SLC4A5: variants seen among roughly 807,000 people sequenced by gnomAD.
SLC4A5 encodes the protein electrogenic sodium bicarbonate cotransporter 4.
Under a neutral mutation model 120.4 loss-of-function variants are expected in SLC4A5, and 96 were observed. That is an observed-to-expected ratio of 0.80 (90% CI 0.68 to 0.94). The LOEUF (loss-of-function observed/expected upper bound fraction) is 0.94. Among genes scored for constraint, SLC4A5 ranks in the 40% least tolerant of loss-of-function variants. The pLI, the probability that SLC4A5 is intolerant of heterozygous loss-of-function variation, is 0.00. For synonymous variants in SLC4A5, 550 were observed against 571.1 expected (o/e 0.96, Z 0.53); for missense variants, 1,259 against 1,459.5 (o/e 0.86, Z 2.24).
At chr2:74,284,162 CTTTTTTTTTTTT>C (rs1182761794) in intron 8 of SLC4A5, among the ~76,000 whole-genome samples, 1 of 81,106 alleles carries the variant, frequency 1.2e-5, no homozygotes, top group Non-Finnish European at 2.0e-5. Context: ...TTCCTTATTT[CTTTTTTTTTTTT>C]TTTTTTTTTT....
intron 2 of SLC4A5, chr2:74,339,704 C>A (rs957657220): frequency 6.6e-6 from 1 of 152,156 alleles, no homozygotes; most frequent in Non-Finnish European, 1.5e-5. Flanking sequence ...GGTATACACC[C>A]AAGAAAACTG....
intron 23 of SLC4A5, among the ~76,000 whole-genome samples, chr2:74,233,072 G>T (rs1433834005): frequency 6.6e-6 from 1 of 152,322 alleles, no homozygotes; most frequent in African/African-American, 2.4e-5. Flanking sequence ...GGCTAAGGAA[G>T]TTCCTCTGCC....
intron 7 of SLC4A5, among the ~76,000 whole-genome samples, chr2:74,294,459 ATTG>A (rs1273574544): frequency 6.6e-6 from 1 of 152,214 alleles, no homozygotes; most frequent in African/African-American, 2.4e-5. Flanking sequence ...TGTTGTCCTT[ATTG>A]TTCTGTTTTG....
chr2:74,239,608 T>A, intron 20 of SLC4A5, 73 bp from the exon 21 acceptor site: 2 of 1,410,230 alleles, frequency 1.4e-6, no homozygotes, highest in Non-Finnish European at 2.0e-6. Context: ...CCCACTGCAG[T>A]CCCCAGGCAG....
chr2:74,257,405 G>A lies in SLC4A5; in HGVS notation c.868-1473C>T, dbSNP rs140671325. Among the ~76,000 whole-genome samples the A allele has an allele frequency of 1.7e-3, 257 of 152,182 alleles. 3 individuals are homozygous for A. The highest frequency in any genetic ancestry group is 5.8e-3 in the African/African-American group (239 of 41,518). ...CATGGTCAGCTGATTACTAAGCAGC[G>A]TTCTTCAGGGTGGAGGGCTGGGTGT... On this transcript the variant is annotated intron_variant, in intron 12 of 30. Coordinates refer to ENST00000394019, the Ensembl canonical transcript of SLC4A5.
At chr2:74,231,239 T>G in exon 25 of SLC4A5, 1 of 1,611,194 alleles carries the variant, frequency 6.2e-7, no homozygotes, top group African/African-American at 1.3e-5. Context: ...ACCTCACCTT[T>G]AGGATGGGAG....
chr2:74,225,056 CA>C (rs747347622), intron 27 of SLC4A5, 61 bp from the exon 28 acceptor site: 1 of 1,517,942 alleles, frequency 6.6e-7, no homozygotes, highest in Non-Finnish European at 9.0e-7. Flanking sequence ...TCTCAATGCC[CA>C]AACTCAGGCA....
chr2:74,295,553 G>C lies in SLC4A5; in HGVS notation c.271+8936C>G, dbSNP rs1375793906. Among the ~76,000 whole-genome samples, 2 of 152,118 alleles carry C rather than the reference G, an allele frequency of 1.3e-5. 1 individual carries two copies. Among genetic ancestry groups the C allele is most frequent in the Non-Finnish European group, 2.9e-5 (2 of 68,024 alleles). ...GGAGGCAGAGGCAAGAGAATTGCTT[G>C]AATCTGGGAGGCAGAGGTTGCAGTG... is the stretch of plus-strand genomic sequence containing the variant. On this transcript the variant is annotated intron_variant, in intron 7 of 30. Coordinates refer to ENST00000394019, the Ensembl canonical transcript of SLC4A5.
intron 5 of SLC4A5, among the ~76,000 whole-genome samples, chr2:74,320,207 T>TA (rs904249636): frequency 5.9e-5 from 9 of 151,562 alleles, no homozygotes; most frequent in African/African-American, 1.9e-4. Context: ...AAAAGAGAGA[T>TA]AAAAAAATAG....
chr2:74,290,800 G>A (rs1672142115), intron 7 of SLC4A5: 6 of 985,580 alleles, frequency 6.1e-6, no homozygotes, highest in Non-Finnish European at 7.2e-6. Flanking sequence ...ACCTGTGAGA[G>A]GACTGGCAAA....
chr2:74,299,737 T>C (rs1044486195), intron 7 of SLC4A5, among the ~76,000 whole-genome samples: 2 of 151,954 alleles, frequency 1.3e-5, no homozygotes, highest in Non-Finnish European at 2.9e-5. Context: ...GGCAAGAAAG[T>C]GGAGAAAAGG....
intron 8 of SLC4A5, among the ~76,000 whole-genome samples, chr2:74,279,651 C>T (rs1671748221): frequency 6.6e-6 from 1 of 152,172 alleles, no homozygotes; most frequent in Admixed American, 6.5e-5. Context: ...CATGATGACC[C>T]CTGGACATCT....
chr2:74,227,978 A>C, intron 25 of SLC4A5, 100 bp from the exon 26 acceptor site: 1 of 814,668 alleles, frequency 1.2e-6, no homozygotes, highest in Non-Finnish European at 1.9e-6. Flanking sequence ...GGCAGCTAGG[A>C]AACTGGATAT....
chr2:74,293,523 G>A (rs1245649322), intron 7 of SLC4A5, among the ~76,000 whole-genome samples: 1 of 152,170 alleles, frequency 6.6e-6, no homozygotes, highest in Non-Finnish European at 1.5e-5. Flanking sequence ...GATGGTTTCT[G>A]GGAGACAGAG....
chr2:74,275,264 G>C lies in SLC4A5; in HGVS notation c.402-10000C>G, dbSNP rs78421767. Among the ~76,000 whole-genome samples the C allele has an allele frequency of 2.2e-3, 333 of 152,310 alleles. 10 individuals are homozygous for C. The East Asian group carries it at 0.058, about 26-fold the overall frequency. ...TCCCAAGCTCATGCATTTGGTGAAGGGTCCATCCTCCTGCACACCATGTCC... is the reference window on the plus strand; with the variant it reads ...TCCCAAGCTCATGCATTTGGTGAAGCGTCCATCCTCCTGCACACCATGTCC... On this transcript the variant is annotated intron_variant, in intron 8 of 30. Transcript: ENST00000394019.
chr2:74,241,069 T>C (rs531286199), intron 20 of SLC4A5, among the ~76,000 whole-genome samples: 1 of 151,898 alleles, frequency 6.6e-6, no homozygotes, highest in African/African-American at 2.4e-5. Flanking sequence ...ATTAGATTCA[T>C]TGAGGAAGAA....
intron 18 of SLC4A5, 105 bp downstream of exon 18, chr2:74,248,248 A>G: frequency 2.8e-6 from 4 of 1,434,964 alleles, no homozygotes; most frequent in Non-Finnish European, 3.8e-6. Flanking sequence ...TGGCTTTGGC[A>G]CCACCGCACC....
chr2:74,238,085 G>T (rs1670326617), intron 21 of SLC4A5, among the ~76,000 whole-genome samples: 1 of 152,250 alleles, frequency 6.6e-6, no homozygotes, highest in South Asian at 2.1e-4. Flanking sequence ...CTGGGTGACA[G>T]AGTGAGACTC....
At chr2:74,316,462 T>G (rs184710387) in intron 5 of SLC4A5, among the ~76,000 whole-genome samples, 5 of 151,236 alleles carry the variant, frequency 3.3e-5, no homozygotes, top group African/African-American at 1.2e-4. Flanking sequence ...CAAGACAGGA[T>G]AGGAGGTCAG....
Sources: gnomAD v4.1 joint callset for allele counts (sites outside exome capture counted in the v4.1 genomes callset) on GRCh38, gnomAD v4.1.1 for gene constraint, MANE v1.5 for transcripts, NCBI Gene and HGNC (gene_info 2026-07-23, HGNC 2026-07-21) for gene names.